DDX5: variants seen among roughly 807,000 people sequenced by gnomAD.
DDX5 encodes DEAD-box helicase 5, also known as probable ATP-dependent RNA helicase DDX5.
A neutral mutation model predicts 68.6 loss-of-function variants in DDX5; 6 were observed. The ratio of observed to expected loss-of-function variants is 0.09; its 90% CI spans 0.05 to 0.17. The LOEUF (loss-of-function observed/expected upper bound fraction) is 0.17, where lower values mean the gene tolerates loss of function less well. DDX5 is among the 10% of genes least tolerant of loss of function. DDX5 has a pLI of 1.00. For missense variants in DDX5, 499 were observed against 756.1 expected (o/e 0.66, Z 3.99); for synonymous variants, 350 against 247.0 (o/e 1.42, Z -3.91).
At position 64,503,886 on chromosome 17, in the gene DDX5, G is replaced by A. The variant is rs2038359178; in HGVS notation, c.442-18C>T. 4 of 1,613,898 alleles carry A rather than the reference G, an allele frequency of 2.5e-6. No individual in the cohort carries two copies. Among genetic ancestry groups the A allele is most frequent in the African/African-American group, 1.3e-5 (1 of 74,898 alleles). On this transcript the variant is annotated intron_variant, in intron 4 of 12. Transcript: ENST00000225792. ...AGCAAATACTATTTAGGGTGAAAGT[G>A]GGGACAAACAGAAATCACATTAAAA...
chr17:64,504,466 GA>G (rs573509216), intron 2 of DDX5, 148 bp from the exon 3 acceptor site: 17,483 of 871,666 alleles, frequency 0.02, 239 homozygotes, highest in Middle Eastern at 0.059. Flanking sequence ...ACCCTATTAT[GA>G]AAAAAAAAAT....
chr17:64,504,300 T>G lies in DDX5; in HGVS notation c.229A>C (p.Arg77=). 1 of 1,614,058 alleles carries G rather than the reference T, an allele frequency of 6.2e-7. No homozygotes were observed. Among genetic ancestry groups the G allele is most frequent in the East Asian group, 2.2e-5 (1 of 44,878 alleles). Reference sequence around the variant, plus strand: ...CTAACTGTAATTTCCTTGCTTCTTCTGTATGTTTCCACCTCTTGCTGCAAA... The same window carrying G: ...CTAACTGTAATTTCCTTGCTTCTTCGGTATGTTTCCACCTCTTGCTGCAAA... ...RRTAQEVETY[R]RSKEITVRGH... is the part of the protein sequence containing the mutation. The change falls in exon 3 of 13, where the codon AGA becomes CGA. Residue 77 remains arginine, a synonymous_variant. Transcript: ENST00000225792.
chr17:64,503,757 A>G, intron 5 of DDX5, 46 bp downstream of exon 5: 3 of 1,583,760 alleles, frequency 1.9e-6, no homozygotes, highest in Non-Finnish European at 2.6e-6. Flanking sequence ...GTAGTCTAAA[A>G]TCTACACATT....
At chr17:64,500,939 TGAAAAAA>T in intron 11 of DDX5, 166 bp from the exon 12 acceptor site, 1 of 610,250 alleles carries the variant, frequency 1.6e-6, no homozygotes, top group Non-Finnish European at 2.9e-6. Flanking sequence ...CCATTGAGGT[TGAAAAAA>T]GAAAAAAAAG....
In DDX5 at chr17:64,498,543, G is replaced by A. The variant is rs1435387879; in HGVS notation, c.*1380C>T. Reference sequence around the variant, plus strand: ...AAAACCATCCAGGTTACTACAGGCTGAATTAGTTTTCAATGTCTAAGTCCT... The same window carrying A: ...AAAACCATCCAGGTTACTACAGGCTAAATTAGTTTTCAATGTCTAAGTCCT... On this transcript the variant is annotated 3_prime_UTR_variant, in exon 13 of 13. Transcript: ENST00000225792. Among the ~76,000 whole-genome samples, 3 of 152,204 alleles carry A rather than the reference G, an allele frequency of 2.0e-5. No homozygotes were observed. The East Asian group carries it at 5.8e-4, about 29-fold the overall frequency.
rs370637155 is a variant in DDX5 at position 64,503,434 on chromosome 17, C to T, written c.645G>A (p.Glu215=). Residue 215 remains glutamate (E), a synonymous_variant, in exon 6 of 13, where the codon GAG becomes GAA. Transcript: ENST00000225792. ...AAAACCCTTTTCATTACATACCTCT[C>T]TCCAAATCACGTATTTGTGGTCCCT... ...APKGPQIRDL[E]RGVEICIATP... is the part of the protein sequence containing the mutation. 6 of 1,614,110 alleles carry T rather than the reference C, an allele frequency of 3.7e-6. No individual in the cohort carries two copies. Among genetic ancestry groups the T allele is most frequent in the African/African-American group, 1.3e-5 (1 of 74,944 alleles).
intron 1 of DDX5, 69 bp downstream of exon 1, chr17:64,506,007 G>C: frequency 1.3e-6 from 2 of 1,542,756 alleles, no homozygotes; most frequent in Non-Finnish European, 1.7e-6. Flanking sequence ...AGCCCCCGCC[G>C]GCCGCCACCC....
At chr17:64,505,362 C>T (rs1474932247) in intron 1 of DDX5, 109 of 424,932 alleles carry the variant, frequency 2.6e-4, no homozygotes, top group Non-Finnish European at 4.3e-4. Flanking sequence ...GCTGGGGGAA[C>T]GCCGCGGTAG....
chr17:64,505,668 C>T (rs1232250634), intron 1 of DDX5: 3 of 1,436,188 alleles, frequency 2.1e-6, no homozygotes, highest in African/African-American at 2.9e-5. Context: ...ACCCCAACAG[C>T]ACCAGGGCTT....
intron 2 of DDX5, 88 bp downstream of exon 2, chr17:64,504,589 G>A (rs1555671761): frequency 1.4e-6 from 2 of 1,436,788 alleles, no homozygotes; most frequent in Non-Finnish European, 1.9e-6. Flanking sequence ...TACCAAAATT[G>A]AGTTATTTGC....
rs2038239117 is a variant in DDX5, at chr17:64,499,469, C to T, written c.*454G>A. On this transcript the variant is annotated 3_prime_UTR_variant, in exon 13 of 13. Coordinates refer to ENST00000225792, the MANE Select transcript of DDX5 (RefSeq NM_004396.5). The stretch of plus-strand genomic sequence containing the variant: ...ATAGCTCATTATAAAGAAGGGCCTT[C>T]TGATTCCCCCTGCCTCCCAAATTAA... 4.6e-6 allele frequency: 1 copy of T among 216,636 alleles called. No individual in the cohort carries two copies. Among genetic ancestry groups the T allele is most frequent in the Non-Finnish European group, 9.2e-6 (1 of 108,778 alleles). The allele number at this position is 216,636 out of a possible 1,614,324, so 13.4% of individuals were successfully genotyped here.
At chr17:64,505,134 C>G (rs1214951734) in intron 1 of DDX5, 1 of 328,714 alleles carries the variant, frequency 3.0e-6, no homozygotes, top group African/African-American at 2.1e-5. Context: ...ATTTGGGATT[C>G]TGGCACACAC....
Position 64,503,509 on chromosome 17 carries a change from A to G in DDX5, c.570T>C (p.Tyr190=). The change falls in exon 6 of 13, where the codon TAT becomes TAC. Residue 190 remains tyrosine, a synonymous_variant. Coordinates refer to ENST00000225792, the MANE Select transcript of DDX5 (RefSeq NM_004396.5). ...AQQVQQVAAE[Y]CRACRLKSTC... is the part of the protein sequence containing the mutation. ...TAGACTTCAAGCGACATGCTCTACA[A>G]TATTCAGCAGCTACTTGCTGCACCT... The G allele has an allele frequency of 6.2e-7, 1 of 1,614,278 alleles. No homozygotes were observed. The highest frequency in any genetic ancestry group is 8.5e-7 in the Non-Finnish European group (1 of 1,180,044).
intron 10 of DDX5, 29 bp downstream of exon 10, chr17:64,502,133 G>A (rs568104476): frequency 1.9e-6 from 3 of 1,613,748 alleles, no homozygotes; most frequent in East Asian, 4.5e-5. Flanking sequence ...TTAAGTAAGG[G>A]GGAAAAATAC....
At chr17:64,502,316 C>T (rs1167745586) in intron 9 of DDX5, 93 bp from the exon 10 acceptor site, 44 of 1,491,452 alleles carry the variant, frequency 3.0e-5, no homozygotes, top group African/African-American at 4.2e-5. Flanking sequence ...TCTTTAATTT[C>T]GCCAGAAATG....
At chr17:64,502,408 A>C (rs573496167) in intron 9 of DDX5, 31 bp downstream of exon 9, 63 of 1,548,134 alleles carry the variant, frequency 4.1e-5, no homozygotes, top group Non-Finnish European at 5.4e-5. Context: ...TGTTTTAATC[A>C]ATCTGCTTCA....
rs2038512786 is a variant in DDX5, at chr17:64,506,218, G to A, written c.-99C>T. Reference sequence around the variant, plus strand: ...GATGACGGCGAAGCCTTGCGGGGGCGGCAGCGGAGGAAGGACACCGATGAC... The same window carrying A: ...GATGACGGCGAAGCCTTGCGGGGGCAGCAGCGGAGGAAGGACACCGATGAC... On this transcript the variant is annotated 5_prime_UTR_variant, in exon 1 of 13. Coordinates refer to ENST00000225792, the MANE Select transcript of DDX5 (RefSeq NM_004396.5). The A allele has an allele frequency of 1.0e-5, 16 of 1,558,496 alleles. No homozygotes were observed. In the East Asian group the frequency reaches 2.4e-4, roughly 23 times the overall value.
upstream of DDX5, chr17:64,506,733 G>T: frequency 2.3e-6 from 1 of 437,340 alleles, no homozygotes; most frequent in Non-Finnish European, 4.2e-6. Context: ...TCGGCGGAGG[G>T]ATACAAAACG....
intron 1 of DDX5, 148 bp downstream of exon 1, chr17:64,505,928 T>G: frequency 6.5e-7 from 1 of 1,534,056 alleles, no homozygotes; most frequent in Non-Finnish European, 8.7e-7. Flanking sequence ...GACGTGAATA[T>G]CAAAATGGCG....
Sources: gnomAD v4.1 joint callset for allele counts (sites outside exome capture counted in the v4.1 genomes callset) on GRCh38, gnomAD v4.1.1 for gene constraint, MANE v1.5 for transcripts, NCBI Gene and HGNC (gene_info 2026-07-23, HGNC 2026-07-21) for gene names.